Variants in CLRN1 observed in about 807,000 individuals in gnomAD.
CLRN1 encodes the protein clarin-1.
CLRN1 carries 15 observed loss-of-function variants against 18.7 expected under a neutral mutation model. The ratio of observed to expected loss-of-function variants is 0.80; its 90% CI spans 0.54 to 1.23. CLRN1 has a LOEUF of 1.23. Ranked by LOEUF, CLRN1 falls within the 50% of genes most tolerant of loss-of-function variation. CLRN1 has a pLI of 0.00. For synonymous variants in CLRN1, 104 were observed against 102.9 expected, an observed-to-expected ratio of 1.01 and a Z score of -0.07; for missense variants, 311 against 277.5, an observed-to-expected ratio of 1.12 and a Z score of -0.86.
chr3:150,941,392 T>C, intron 2 of CLRN1, 190 bp downstream of exon 2: 1 of 595,736 alleles, frequency 1.7e-6, no homozygotes, highest in South Asian at 2.1e-5. Flanking sequence ...CATATAGATG[T>C]CCATAAAGTA....
chr3:150,948,144 A>G (rs1340611436), intron 1 of CLRN1, among the ~76,000 whole-genome samples: 1 of 152,122 alleles, frequency 6.6e-6, no homozygotes, highest in Non-Finnish European at 1.5e-5. Flanking sequence ...TAGATAGGCC[A>G]CTAGCTAGCC....
In CLRN1 at chr3:150,941,563, G is replaced by C; in HGVS notation, c.433+19C>G. On this transcript the variant is annotated intron_variant, in intron 2 of 2. Transcript: ENST00000327047. ...ATTGAAAAGCACATTTGTCTTCAGA[G>C]GTAGAATTTTGTACTTACCTGAAAT... The C allele has an allele frequency of 6.2e-7, 1 of 1,612,826 alleles. No homozygotes were observed. The highest frequency in any genetic ancestry group is 8.5e-7 in the Non-Finnish European group (1 of 1,178,942).
chr3:150,958,691 A>T (rs989088587), intron 1 of CLRN1, among the ~76,000 whole-genome samples: 1 of 152,224 alleles, frequency 6.6e-6, no homozygotes, highest in Non-Finnish European at 1.5e-5. Flanking sequence ...TCCTATGCCT[A>T]TTCCTCACAT....
chr3:150,928,114 C>T lies in CLRN1; in HGVS notation c.521G>A (p.Gly174Glu). 1 of 1,613,416 alleles carries T rather than the reference C, an allele frequency of 6.2e-7. No individual in the cohort carries two copies. Among genetic ancestry groups the T allele is most frequent in the Non-Finnish European group, 8.5e-7 (1 of 1,179,868 alleles). ...LSEKIANYKEGTYVYKTQSEK... is the reference protein window; with the variant it reads ...LSEKIANYKEETYVYKTQSEK... ...ACTTTGCGTTTTGTAGACATAAGTC[C>T]CTTCTTTATAATTTGCAATTTTTTC... is the stretch of plus-strand genomic sequence containing the variant. Residue 174 changes from glycine (G) to glutamate (E), a missense_variant, in exon 3 of 3, where the codon GGG becomes GAG. Coordinates refer to ENST00000327047, the MANE Select transcript of CLRN1 (RefSeq NM_174878.3).
chr3:150,956,117 T>A (rs1714727207), intron 1 of CLRN1, among the ~76,000 whole-genome samples: 1 of 152,222 alleles, frequency 6.6e-6, no homozygotes, highest in Non-Finnish European at 1.5e-5. Context: ...TTAGTTCGTC[T>A]TCTATTGGTT....
intron 1 of CLRN1, among the ~76,000 whole-genome samples, chr3:150,961,210 C>T (rs1234999267): frequency 1.3e-5 from 2 of 152,174 alleles, no homozygotes; most frequent in Non-Finnish European, 2.9e-5. Flanking sequence ...CCTTCCCTAA[C>T]AGTAAGGGCT....
chr3:150,931,031 G>A (rs144214329), intron 2 of CLRN1, among the ~76,000 whole-genome samples: 45 of 152,264 alleles, frequency 3.0e-4, no homozygotes, highest in Admixed American at 5.9e-4. Flanking sequence ...CAACGTTGTC[G>A]TTTCAGGGAC....
intron 1 of CLRN1, among the ~76,000 whole-genome samples, chr3:150,953,848 G>A (rs1714609164): frequency 6.6e-6 from 1 of 152,072 alleles, no homozygotes; most frequent in South Asian, 2.1e-4. Context: ...ACATAAATTA[G>A]CACATTTAAT....
chr3:150,939,608 G>T (rs1323158864), intron 2 of CLRN1, among the ~76,000 whole-genome samples: 1 of 152,162 alleles, frequency 6.6e-6, no homozygotes, highest in Non-Finnish European at 1.5e-5. Context: ...TGATTCAGTG[G>T]GTCTGGGGTA....
At chr3:150,972,347 T>C (rs2107996425) in intron 1 of CLRN1, 109 bp downstream of exon 1, 1 of 1,431,858 alleles carries the variant, frequency 7.0e-7, no homozygotes, top group Admixed American at 1.8e-5. Context: ...TTCACACCGA[T>C]TTAAAAAGTC....
Position 150,945,408 on chromosome 3 carries a change from T to C in CLRN1, c.254-3647A>G, listed in dbSNP as rs568173290. 6.0e-6 allele frequency: 5 copies of C among 839,288 alleles called. No individual in the cohort carries two copies. In the East Asian group the frequency reaches 2.7e-4, roughly 46 times the overall value. The allele number at this position is 839,288 out of a possible 1,614,324, so 52.0% of individuals were successfully genotyped here. On this transcript the variant is annotated intron_variant, in intron 1 of 2. Transcript: ENST00000327047. ...GTCATCTGTACAAATGCATGCCTCA[T>C]GGCCACAACACTCTACTCCTGACCA... is the stretch of plus-strand genomic sequence containing the variant.
chr3:150,949,015 C>A (rs1714339693), intron 1 of CLRN1, among the ~76,000 whole-genome samples: 1 of 152,198 alleles, frequency 6.6e-6, no homozygotes, highest in Non-Finnish European at 1.5e-5. Context: ...CCACCACAAT[C>A]AAGTAGGCTT....
intron 1 of CLRN1, among the ~76,000 whole-genome samples, chr3:150,963,056 C>A (rs936946538): frequency 3.0e-4 from 45 of 152,142 alleles, no homozygotes; most frequent in African/African-American, 1.1e-3. Flanking sequence ...ATTGGAAGTT[C>A]TGGCCAGGGC....
chr3:150,943,806 G>T (rs755345887), intron 1 of CLRN1: 1 of 1,614,130 alleles, frequency 6.2e-7, no homozygotes, highest in Middle Eastern at 1.7e-4. Flanking sequence ...CCCTGGGGTT[G>T]CAGGCACCCC....
chr3:150,940,367 G>C, intron 2 of CLRN1: 2 of 886,430 alleles, frequency 2.3e-6, no homozygotes, highest in Non-Finnish European at 3.3e-6. Context: ...TACACTGCAA[G>C]TGACCTCCTG....
intron 2 of CLRN1, chr3:150,940,400 T>TAG (rs985152446): frequency 5.3e-5 from 70 of 1,324,298 alleles, no homozygotes; most frequent in Middle Eastern, 1.8e-4. Flanking sequence ...CTTTGTTTTA[T>TAG]AGAGAGAGAG....
intron 1 of CLRN1, among the ~76,000 whole-genome samples, chr3:150,960,720 C>A (rs918847004): frequency 1.3e-5 from 2 of 152,196 alleles, no homozygotes; most frequent in African/African-American, 4.8e-5. Flanking sequence ...CCCTGAGAGT[C>A]TCTTTGGAAG....
chr3:150,944,162 C>G (rs1281371517), intron 1 of CLRN1: 3 of 402,026 alleles, frequency 7.5e-6, no homozygotes, highest in Admixed American at 3.6e-5. Context: ...ACAGAAAGAA[C>G]TTTCCAGGGA....
chr3:150,935,263 T>C (rs1475873572), intron 2 of CLRN1, among the ~76,000 whole-genome samples: 1 of 150,974 alleles, frequency 6.6e-6, no homozygotes, highest in Non-Finnish European at 1.5e-5. Flanking sequence ...CATTTAGCAT[T>C]AGGTATATCT....
Sources: allele counts gnomAD v4.1 joint callset (sites outside exome capture counted in the v4.1 genomes callset), GRCh38; gene constraint gnomAD v4.1.1; transcripts MANE v1.5; gene names NCBI Gene and HGNC (gene_info 2026-07-23, HGNC 2026-07-21).